The following EFCAB6 variants were observed in gnomAD, a reference collection of about 807,000 sequenced individuals.
The protein encoded by EFCAB6 is EF-hand calcium binding domain 6, also known as EF-hand calcium-binding domain-containing protein 6.
Under a neutral mutation model 169.8 loss-of-function variants are expected in EFCAB6, and 156 were observed. The ratio of observed to expected loss-of-function variants is 0.92; its 90% CI spans 0.81 to 1.05. The LOEUF is 1.05. EFCAB6 is among the 50% of genes least tolerant of loss of function. The pLI is 0.00. For missense variants in EFCAB6, 1,800 were observed against 1,829.1 expected (o/e 0.98, Z 0.29); for synonymous variants, 698 against 676.4 (o/e 1.03, Z -0.50).
intron 5 of EFCAB6, among the ~76,000 whole-genome samples, chr22:43,757,213 A>G (rs1391491578): frequency 6.6e-6 from 1 of 152,236 alleles, no homozygotes; most frequent in Non-Finnish European, 1.5e-5. Flanking sequence ...TTTCAATAAT[A>G]TATTCAATAG....
Position 43,794,432 on chromosome 22 carries a change from C to T in EFCAB6, c.-7-12107G>A, listed in dbSNP as rs142654175. ...AACAGTGAAGCCAAGACCCAAACTC[C>T]GGTGAATTTAATCCTTGGCTTTTTG... is the stretch of plus-strand genomic sequence containing the variant. On this transcript the variant is annotated intron_variant, in intron 2 of 31. Coordinates refer to ENST00000262726, the MANE Select transcript of EFCAB6 (RefSeq NM_022785.4). Among the ~76,000 whole-genome samples, 83 of 152,206 alleles carry T rather than the reference C, an allele frequency of 5.5e-4. 1 individual carries two copies. The Middle Eastern group carries it at 0.02, about 37-fold the overall frequency.
chr22:43,537,225 G>A lies in EFCAB6; in HGVS notation c.4048+152C>T. The stretch of plus-strand genomic sequence containing the variant: ...CCTCCTCCATGGGGACCTTTGTATA[G>A]TAAGCTGCACAGCCCACCCAGAAGT... On this transcript the variant is annotated intron_variant, in intron 29 of 31. Transcript: ENST00000262726. The surrounding 1 kb of genome is among the most constrained non-coding windows in gnomAD (Gnocchi z 4.3). 1 of 949,830 alleles carries A rather than the reference G, an allele frequency of 1.1e-6. No individual in the cohort carries two copies. The highest frequency in any genetic ancestry group is 1.6e-6 in the Non-Finnish European group (1 of 632,294). The allele number at this position is 949,830 out of a possible 1,614,324, so 58.8% of individuals were successfully genotyped here.
At chr22:43,610,205 CAT>C (rs1428622579) in intron 21 of EFCAB6, among the ~76,000 whole-genome samples, 1 of 152,112 alleles carries the variant, frequency 6.6e-6, no homozygotes, top group Admixed American at 6.5e-5. Context: ...CAAAAGACAT[CAT>C]ATAAAAAAGG....
Position 43,672,065 on chromosome 22 carries a change from A to G in EFCAB6, c.1548T>C (p.Tyr516=). The G allele has an allele frequency of 6.2e-7, 1 of 1,614,240 alleles. No individual in the cohort carries two copies. The highest frequency in any genetic ancestry group is 8.5e-7 in the Non-Finnish European group (1 of 1,180,038). ...CAATGCGCCCTGTGTCTCCAAGGTC[A>G]TATGAGCGTAGCATGTTATAAAAAG... The part of the protein sequence containing the change: ...LQAFYNMLRS[Y]DLGDTGRIGR... The change falls in exon 15 of 32, where the codon TAT becomes TAC. Residue 516 remains tyrosine, a synonymous_variant. Coordinates refer to ENST00000262726, the MANE Select transcript of EFCAB6 (RefSeq NM_022785.4).
At chr22:43,608,423 C>T in intron 22 of EFCAB6, 59 bp downstream of exon 22, 1 of 1,497,748 alleles carries the variant, frequency 6.7e-7, no homozygotes, top group Non-Finnish European at 9.2e-7. Flanking sequence ...CTGAATTTGC[C>T]ACAGCAAGCA....
intron 18 of EFCAB6, among the ~76,000 whole-genome samples, chr22:43,632,606 C>T (rs1324889878): frequency 6.6e-6 from 1 of 152,074 alleles, no homozygotes; most frequent in African/African-American, 2.4e-5. Flanking sequence ...GGCCCACTGG[C>T]TTCATTTCTA....
At chr22:43,563,329 A>C (rs1224657932) in intron 26 of EFCAB6, among the ~76,000 whole-genome samples, 10 of 152,214 alleles carry the variant, frequency 6.6e-5, no homozygotes, top group African/African-American at 2.4e-5. Context: ...CTCTTTGGAA[A>C]GTTCAAGAGG....
In EFCAB6 at chr22:43,735,846, C is replaced by A. The variant is rs376205684; in HGVS notation, c.644+11G>T. On this transcript the variant is annotated intron_variant, in intron 7 of 31. Coordinates refer to ENST00000262726, the MANE Select transcript of EFCAB6 (RefSeq NM_022785.4). ...ACTGAGCAATCTCTCACCGTGCCTT[C>A]ATTTGCTTACTTTTCGTATTCCTCG... is the stretch of plus-strand genomic sequence containing the variant. 3.2e-5 allele frequency: 51 copies of A among 1,611,758 alleles called. No homozygotes were observed. The highest frequency in any genetic ancestry group is 4.2e-5 in the Non-Finnish European group (50 of 1,179,486).
chr22:43,566,216 C>T (rs1226608749), intron 26 of EFCAB6, among the ~76,000 whole-genome samples: 6 of 152,290 alleles, frequency 3.9e-5, no homozygotes, highest in South Asian at 4.1e-4. Context: ...TACTCCAGCA[C>T]GCTGTTTGCA....
In EFCAB6 at chr22:43,530,712, C is replaced by G. The variant is rs556052088; in HGVS notation, c.4383+103G>C. 5.1e-6 allele frequency: 8 copies of G among 1,558,712 alleles called. No homozygotes were observed. The Admixed American group carries it at 7.3e-5, about 14-fold the overall frequency. On this transcript the variant is annotated intron_variant, in intron 31 of 31. Coordinates refer to ENST00000262726, the MANE Select transcript of EFCAB6 (RefSeq NM_022785.4). ...GAGATCTGAAGCAGCCAGGTCACAC[C>G]GGGCCTTCGGCAGCAGGTAGAGGGC...
intron 10 of EFCAB6, among the ~76,000 whole-genome samples, chr22:43,708,424 C>G (rs768965894): frequency 1.3e-5 from 2 of 151,300 alleles, no homozygotes; most frequent in Non-Finnish European, 2.9e-5. Flanking sequence ...TAGCCAATAC[C>G]AAACAAGAAA....
intron 2 of EFCAB6, among the ~76,000 whole-genome samples, chr22:43,803,148 G>A (rs1337426816): frequency 6.6e-6 from 1 of 152,108 alleles, no homozygotes; most frequent in African/African-American, 2.4e-5. Context: ...CGAGATACCT[G>A]TTGGGACCTG....
Position 43,654,175 on chromosome 22 carries a change from A to G in EFCAB6, c.1983+12929T>C, listed in dbSNP as rs2148083897. Among the ~76,000 whole-genome samples the G allele has an allele frequency of 2.6e-5, 4 of 152,330 alleles. No individual in the cohort carries two copies. The Middle Eastern group carries it at 0.014, about 518-fold the overall frequency. On this transcript the variant is annotated intron_variant, in intron 17 of 31. Transcript: ENST00000262726. ...CATGAGTCCATTCTAATATGAATAA[A>G]TGGTTGAGTAAGTTAGTAAGTGGAA...
At chr22:43,617,795 C>A (rs999623027) in intron 20 of EFCAB6, among the ~76,000 whole-genome samples, 2 of 152,072 alleles carry the variant, frequency 1.3e-5, no homozygotes, top group African/African-American at 4.8e-5. Context: ...AAACTTAGAA[C>A]AAACACACAA....
At chr22:43,571,516 CACA>C (rs1303139039) in intron 26 of EFCAB6, among the ~76,000 whole-genome samples, 11 of 152,260 alleles carry the variant, frequency 7.2e-5, no homozygotes, top group Admixed American at 7.2e-4. Context: ...ATTAGAAAAA[CACA>C]ACAACTTGGG....
chr22:43,641,616 C>CAAAAA (rs36039582), intron 17 of EFCAB6, among the ~76,000 whole-genome samples: 10 of 122,118 alleles, frequency 8.2e-5, no homozygotes, highest in African/African-American at 2.4e-4. Context: ...AACTCCATCT[C>CAAAAA]AAAAAAAAAA....
chr22:43,767,304 G>T (rs910759940), intron 4 of EFCAB6, among the ~76,000 whole-genome samples: 4 of 152,202 alleles, frequency 2.6e-5, no homozygotes, highest in African/African-American at 9.6e-5. Flanking sequence ...GGCTCACAGG[G>T]TGGGCCTCTG....
rs149130134 is a variant in EFCAB6, at chr22:43,591,424, T to A, written c.2877-1195A>T. The stretch of plus-strand genomic sequence containing the variant: ...ATGAGCGGAGATCATGCCACTGTAC[T>A]CCAGCCTGAGCAACAGAGCAAGACT... On this transcript the variant is annotated intron_variant, in intron 23 of 31. Transcript: ENST00000262726. Among the ~76,000 whole-genome samples, 672 of 141,454 alleles carry A rather than the reference T, an allele frequency of 4.8e-3. 4 individuals are homozygous for A. Among genetic ancestry groups the A allele is most frequent in the Non-Finnish European group, 7.7e-3 (514 of 66,464 alleles). The allele number at this position is 141,454 out of a possible 152,430, so 92.8% of individuals were successfully genotyped here.
rs117132518 is a variant in EFCAB6 at position 43,673,924 on chromosome 22, G to A, written c.1420-1619C>T. ...AGAGCTTGCAGTGAGCCGAGATCGCGCCACTGCACTCCAGCCTGGGTGACA... is the reference window on the plus strand; with the variant it reads ...AGAGCTTGCAGTGAGCCGAGATCGCACCACTGCACTCCAGCCTGGGTGACA... On this transcript the variant is annotated intron_variant, in intron 13 of 31. Coordinates refer to ENST00000262726, the MANE Select transcript of EFCAB6 (RefSeq NM_022785.4). Among the ~76,000 whole-genome samples, 1,474 of 149,910 alleles carry A rather than the reference G, an allele frequency of 9.8e-3. 8 individuals carry two copies. Among genetic ancestry groups the A allele is most frequent in the Non-Finnish European group, 0.016 (1,074 of 67,714 alleles).
Sources: allele counts gnomAD v4.1 joint callset (sites outside exome capture counted in the v4.1 genomes callset), GRCh38; gene constraint gnomAD v4.1.1; non-coding constraint Gnocchi (gnomAD v3.1); transcripts MANE v1.5; gene names NCBI Gene and HGNC (gene_info 2026-07-23, HGNC 2026-07-21).